SGCZ: variants seen among roughly 807,000 people sequenced by gnomAD.
The protein encoded by SGCZ is zeta-sarcoglycan.
Under a neutral mutation model 41.3 loss-of-function variants are expected in SGCZ, and 40 were observed. That is an observed-to-expected ratio of 0.97 (90% CI 0.75 to 1.26). The LOEUF is 1.26. Among genes scored for constraint, SGCZ ranks in the 50% most tolerant of loss-of-function variants. The pLI is 0.00. For synonymous variants in SGCZ, 206 were observed against 137.5 expected (o/e 1.50, Z -3.49); for missense variants, 552 against 369.8 (o/e 1.49, Z -4.04).
intron 1 of SGCZ, among the ~76,000 whole-genome samples, chr8:15,036,221 A>C (rs189582059): frequency 1.4e-4 from 22 of 152,268 alleles, no homozygotes; most frequent in African/African-American, 5.3e-4. Context: ...AACAAATTGG[A>C]TAACCTAGAA....
intron 3 of SGCZ, among the ~76,000 whole-genome samples, chr8:14,248,157 G>C (rs1799170179): frequency 6.6e-6 from 1 of 152,026 alleles, no homozygotes; most frequent in African/African-American, 2.4e-5. Flanking sequence ...GTGGTGAGCT[G>C]GTAGATTTTT....
At chr8:14,281,168 TC>T (rs1339079423) in intron 3 of SGCZ, among the ~76,000 whole-genome samples, 2 of 151,956 alleles carry the variant, frequency 1.3e-5, no homozygotes, top group African/African-American at 4.8e-5. Flanking sequence ...TTCAAGATAC[TC>T]ATTTAAAGTA....
chr8:14,094,157 C>G (rs1010837209), intron 7 of SGCZ, among the ~76,000 whole-genome samples: 3 of 151,908 alleles, frequency 2.0e-5, no homozygotes, highest in Non-Finnish European at 4.4e-5. Flanking sequence ...ATTTTTTTAA[C>G]TATACTTTAA....
At chr8:14,625,149 T>A (rs1057268252) in intron 1 of SGCZ, among the ~76,000 whole-genome samples, 5 of 152,222 alleles carry the variant, frequency 3.3e-5, no homozygotes, top group Admixed American at 6.5e-5. Flanking sequence ...CTATTGAAAT[T>A]TGCTCACTGT....
intron 5 of SGCZ, among the ~76,000 whole-genome samples, chr8:14,108,608 G>T (rs1474598131): frequency 6.6e-6 from 1 of 151,988 alleles, no homozygotes; most frequent in East Asian, 1.9e-4. Flanking sequence ...CCACCTCCAT[G>T]GTTCAAATTA....
chr8:14,090,468 C>A lies in SGCZ; in HGVS notation c.914G>T (p.Ser305Ile). ...PAGVGSTCQS[S>I]SNICLWS ...TCAGCTCCACAGGCAGATGTTGCTACTGGACTGACAAGTGGAACCTACTCC... is the reference window on the plus strand; with the variant it reads ...TCAGCTCCACAGGCAGATGTTGCTAATGGACTGACAAGTGGAACCTACTCC... Residue 305 changes from serine to isoleucine, a missense_variant, in exon 8 of 8, where the codon AGT becomes ATT. Coordinates refer to ENST00000382080, the MANE Select transcript of SGCZ (RefSeq NM_139167.4). 6.2e-7 allele frequency: 1 copy of A among 1,612,666 alleles called. No homozygotes were observed. Among genetic ancestry groups the A allele is most frequent in the Non-Finnish European group, 8.5e-7 (1 of 1,179,208 alleles).
chr8:14,161,067 T>A (rs571382132), intron 5 of SGCZ, among the ~76,000 whole-genome samples: 45 of 152,352 alleles, frequency 3.0e-4, no homozygotes, highest in African/African-American at 9.9e-4. Context: ...ACATGTAACT[T>A]TGAAGTCCTG....
intron 1 of SGCZ, among the ~76,000 whole-genome samples, chr8:15,012,268 G>T (rs1336780959): frequency 6.6e-6 from 1 of 151,634 alleles, no homozygotes; most frequent in African/African-American, 2.4e-5. Context: ...TTTGAGATCA[G>T]ACTGGGCAAC....
At chr8:14,254,324 T>C (rs1161760257) in intron 3 of SGCZ, among the ~76,000 whole-genome samples, 1 of 152,224 alleles carries the variant, frequency 6.6e-6, no homozygotes, top group African/African-American at 2.4e-5. Flanking sequence ...ATCTTCGCTC[T>C]CTCAGAAGCT....
chr8:14,278,205 C>T (rs1405696717), intron 3 of SGCZ, among the ~76,000 whole-genome samples: 3 of 152,150 alleles, frequency 2.0e-5, no homozygotes, highest in Non-Finnish European at 4.4e-5. Context: ...TCCCACATAT[C>T]GCCCCTCCTC....
intron 2 of SGCZ, among the ~76,000 whole-genome samples, chr8:14,482,924 T>C (rs1435978182): frequency 6.6e-6 from 1 of 152,068 alleles, no homozygotes; most frequent in South Asian, 2.1e-4. Flanking sequence ...CCACTAACAG[T>C]GGGGACTTTT....
At chr8:14,315,469 G>A (rs1334125783) in intron 3 of SGCZ, among the ~76,000 whole-genome samples, 1 of 152,066 alleles carries the variant, frequency 6.6e-6, no homozygotes, top group Non-Finnish European at 1.5e-5. Context: ...TGGAAGGTGT[G>A]TGTGATGCAA....
intron 1 of SGCZ, among the ~76,000 whole-genome samples, chr8:14,784,911 A>AT (rs1304185524): frequency 3.7e-5 from 3 of 82,086 alleles, no homozygotes; most frequent in South Asian, 4.0e-4. Flanking sequence ...TCAAAAAAAA[A>AT]AAATATATAT....
At chr8:14,377,448 T>C (rs34421020) in intron 2 of SGCZ, among the ~76,000 whole-genome samples, 14 of 149,134 alleles carry the variant, frequency 9.4e-5, no homozygotes. Flanking sequence ...GTGAGTTATT[T>C]TATAAAATCC....
intron 1 of SGCZ, among the ~76,000 whole-genome samples, chr8:15,061,531 A>AT (rs1804932218): frequency 1.8e-5 from 1 of 54,542 alleles, no homozygotes; most frequent in Non-Finnish European, 3.4e-5. Context: ...TACAGTATAT[A>AT]AAAAAAAAAA....
Position 15,237,604 on chromosome 8 carries a change from A to G in SGCZ, c.20T>C (p.Leu7Pro). 1.3e-6 allele frequency: 2 copies of G among 1,590,304 alleles called. No individual in the cohort carries two copies. The highest frequency in any genetic ancestry group is 1.7e-6 in the Non-Finnish European group (2 of 1,166,556). The change falls in exon 1 of 8, where the codon CTG (leucine) becomes CCG (proline). Residue 7 changes from leucine to proline, a missense_variant. By Grantham distance (98) the Leu-to-Pro change is moderately conservative. Transcript: ENST00000382080. Reference protein sequence around the residue: MDRSTNLDIEELKMTRE... With the variant: MDRSTNPDIEELKMTRE... ...ACGTACCTTGAGCTCCTCAATGTCC[A>G]GGTTCGTTGATCTGTCCATGGAGCG...
At chr8:14,287,210 T>C (rs919787847) in intron 3 of SGCZ, among the ~76,000 whole-genome samples, 3 of 151,326 alleles carry the variant, frequency 2.0e-5, no homozygotes, top group African/African-American at 7.3e-5. Context: ...TAGTTATATA[T>C]ATATAATTTA....
At chr8:15,058,482 A>C (rs968616732) in intron 1 of SGCZ, among the ~76,000 whole-genome samples, 5 of 152,232 alleles carry the variant, frequency 3.3e-5, no homozygotes, top group Non-Finnish European at 7.3e-5. Flanking sequence ...ATTTGTCTGC[A>C]GTAATAAATA....
intron 3 of SGCZ, among the ~76,000 whole-genome samples, chr8:14,283,384 G>T (rs959001893): frequency 1.3e-5 from 2 of 152,126 alleles, no homozygotes. Flanking sequence ...CTCTGTAAGA[G>T]AATGCAAGAG....
Sources: allele counts gnomAD v4.1 joint callset (sites outside exome capture counted in the v4.1 genomes callset), GRCh38; gene constraint gnomAD v4.1.1; transcripts MANE v1.5; gene names NCBI Gene and HGNC (gene_info 2026-07-23, HGNC 2026-07-21).